The following FABP12 variants were observed in gnomAD, a reference collection of about 807,000 sequenced individuals.
FABP12 encodes the protein fatty acid binding protein 12.
Under a neutral mutation model 13.7 loss-of-function variants are expected in FABP12, and 19 were observed. The ratio of observed to expected loss-of-function variants is 1.39; its 90% CI spans 0.97 to 2.04. The LOEUF is 2.04. Ranked by LOEUF, FABP12 falls within the 30% of genes most tolerant of loss-of-function variation. The pLI, the probability that FABP12 is intolerant of heterozygous loss-of-function variation, is 0.00. For missense variants in FABP12, 182 were observed against 164.2 expected (o/e 1.11, Z -0.59); for synonymous variants, 61 against 57.0 (o/e 1.07, Z -0.32).
At chr8:81,552,643 A>AG (rs1463628824) in intron 1 of FABP12, among the ~76,000 whole-genome samples, 1 of 152,302 alleles carries the variant, frequency 6.6e-6, no homozygotes, top group South Asian at 2.1e-4. Context: ...AAGAAGAATC[A>AG]GGGGCACCAA....
intron 1 of FABP12, among the ~76,000 whole-genome samples, chr8:81,555,548 C>T (rs72684497): frequency 2.8e-3 from 419 of 152,238 alleles, no homozygotes; most frequent in Non-Finnish European, 4.0e-3. Flanking sequence ...TCCATGGGAA[C>T]AGTGGAAAGA....
chr8:81,579,362 G>C (rs551131405), intron 1 of FABP12, among the ~76,000 whole-genome samples: 34 of 152,104 alleles, frequency 2.2e-4, no homozygotes, highest in African/African-American at 6.0e-4. Context: ...TAGATAAAAC[G>C]ACTGAAGACC....
chr8:81,528,631 T>C (rs9298365), intron 3 of FABP12, among the ~76,000 whole-genome samples: 14,393 of 152,170 alleles, frequency 0.095, 721 homozygotes, highest in Non-Finnish European at 0.11. Flanking sequence ...AAGCACGGGG[T>C]TCTGTGAAAC....
chr8:81,580,841 A>G (rs1337527555), intron 1 of FABP12, among the ~76,000 whole-genome samples: 2 of 146,140 alleles, frequency 1.4e-5, no homozygotes. Context: ...AAGCTATGGT[A>G]AGAGTCTTGA....
upstream of FABP12, among the ~76,000 whole-genome samples, chr8:81,536,212 C>T (rs1809217800): frequency 6.6e-6 from 1 of 152,188 alleles, no homozygotes; most frequent in African/African-American, 2.4e-5. Flanking sequence ...GCCCTCTCAC[C>T]AGTGCATTCC....
intron 4 of FABP12, among the ~76,000 whole-genome samples, chr8:81,525,522 A>AG (rs1203572912): frequency 6.6e-6 from 1 of 150,534 alleles, no homozygotes; most frequent in Non-Finnish European, 1.5e-5. Flanking sequence ...TCTCAAAAAA[A>AG]AAAAAAAATA....
chr8:81,556,507 T>C (rs962922114), intron 1 of FABP12, among the ~76,000 whole-genome samples: 1 of 151,996 alleles, frequency 6.6e-6, no homozygotes, highest in East Asian at 1.9e-4. Flanking sequence ...TTCATTAACA[T>C]TGGGGAATAA....
chr8:81,543,212 C>G (rs1168623330), intron 1 of FABP12, among the ~76,000 whole-genome samples: 1 of 152,158 alleles, frequency 6.6e-6, no homozygotes, highest in African/African-American at 2.4e-5. Flanking sequence ...AACTAATTAG[C>G]TTCAGGCTAG....
intron 1 of FABP12, among the ~76,000 whole-genome samples, chr8:81,587,971 T>TG (rs1810267545): frequency 6.6e-6 from 1 of 152,036 alleles, no homozygotes; most frequent in African/African-American, 2.4e-5. Context: ...CTGAAGAACT[T>TG]GGAGTGTGAT....
In FABP12 at chr8:81,561,193, T is replaced by C. The variant is rs537883758; in HGVS notation, c.-184-21450A>G. ...CTAATTGTTCTCAGTTCCAAATCTCTAAAACAGAGTAATTATCTCCCACTC... is the reference window on the plus strand; with the variant it reads ...CTAATTGTTCTCAGTTCCAAATCTCCAAAACAGAGTAATTATCTCCCACTC... On this transcript the variant is annotated intron_variant, in intron 1 of 5. Coordinates refer to the FABP12 transcript ENST00000692030. 2.6e-5 allele frequency among the ~76,000 whole-genome samples: 4 copies of C among 152,306 alleles called. No individual in the cohort carries two copies. In the East Asian group the frequency reaches 7.7e-4, roughly 29 times the overall value.
At chr8:81,586,268 G>A (rs1343543807) in intron 1 of FABP12, among the ~76,000 whole-genome samples, 3 of 151,906 alleles carry the variant, frequency 2.0e-5, no homozygotes, top group African/African-American at 7.3e-5. Flanking sequence ...GTTAATTCCA[G>A]GTCTTTGTTA....
At chr8:81,579,961 C>A (rs1810129673) in intron 1 of FABP12, among the ~76,000 whole-genome samples, 1 of 152,146 alleles carries the variant, frequency 6.6e-6, no homozygotes, top group Non-Finnish European at 1.5e-5. Flanking sequence ...GAGTTCTCTT[C>A]TGAGACAAAA....
chr8:81,525,673 G>A (rs956573760), intron 4 of FABP12, among the ~76,000 whole-genome samples: 3 of 151,964 alleles, frequency 2.0e-5, no homozygotes, highest in Non-Finnish European at 4.4e-5. Flanking sequence ...GGTATATTTC[G>A]GGTATATATA....
chr8:81,578,805 T>A (rs1313206000), intron 1 of FABP12, among the ~76,000 whole-genome samples: 1 of 132,792 alleles, frequency 7.5e-6, no homozygotes, highest in Non-Finnish European at 1.6e-5. Flanking sequence ...CAATACAGAA[T>A]CTGACACATT....
chr8:81,558,627 C>T (rs1809663363), intron 1 of FABP12, among the ~76,000 whole-genome samples: 1 of 152,088 alleles, frequency 6.6e-6, no homozygotes, highest in Non-Finnish European at 1.5e-5. Flanking sequence ...CGCGGTGGCT[C>T]GTGCCTGTAA....
intron 1 of FABP12, among the ~76,000 whole-genome samples, chr8:81,551,378 G>T (rs1405743359): frequency 6.6e-6 from 1 of 152,038 alleles, no homozygotes; most frequent in Non-Finnish European, 1.5e-5. Context: ...TCAAAGTTTT[G>T]CACTCTACCA....
At chr8:81,531,457 C>G in intron 1 of FABP12, 67 bp from the exon 2 acceptor site, 1 of 590,282 alleles carries the variant, frequency 1.7e-6, no homozygotes, top group East Asian at 2.9e-5. Flanking sequence ...ATAAGGAACT[C>G]TAATCCTTGC....
At chr8:81,536,732 G>A (rs1284654494), upstream of FABP12, among the ~76,000 whole-genome samples, 4 of 152,224 alleles carry the variant, frequency 2.6e-5, no homozygotes, top group South Asian at 8.3e-4. Context: ...CACAGCTGGA[G>A]AATAAGTTGA....
At chr8:81,532,471 A>G (rs760738204) in intron 1 of FABP12, among the ~76,000 whole-genome samples, 7 of 152,258 alleles carry the variant, frequency 4.6e-5, no homozygotes, top group Non-Finnish European at 7.3e-5. Context: ...TATGCCTAAT[A>G]TGAGGCAAAA....
Sources: gnomAD v4.1 joint callset for allele counts (sites outside exome capture counted in the v4.1 genomes callset) on GRCh38, gnomAD v4.1.1 for gene constraint, MANE v1.5 for transcripts, NCBI Gene and HGNC (gene_info 2026-07-23, HGNC 2026-07-21) for gene names.